Variants in CNTNAP2 observed in about 807,000 individuals in gnomAD.
CNTNAP2 encodes the protein contactin associated protein 2.
A neutral mutation model predicts 155.2 loss-of-function variants in CNTNAP2; 98 were observed. That is an observed-to-expected ratio of 0.63 (90% CI 0.54 to 0.75). CNTNAP2 has a LOEUF of 0.75. Among genes scored for constraint, CNTNAP2 ranks in the 30% least tolerant of loss-of-function variants. The probability of loss-of-function intolerance (pLI) is 0.00; values close to 1 mark genes in which losing one functional copy is unlikely to be tolerated. For synonymous variants in CNTNAP2, 651 were observed against 631.2 expected (o/e 1.03, Z -0.47); for missense variants, 1,727 against 1,688.1 (o/e 1.02, Z -0.40).
intron 1 of CNTNAP2, among the ~76,000 whole-genome samples, chr7:146,266,618 G>T (rs1439324906): frequency 9.2e-5 from 14 of 152,072 alleles, no homozygotes; most frequent in Admixed American, 9.2e-4. Flanking sequence ...AAAAAGAAAA[G>T]GATTTTAAAT....
chr7:147,131,780 C>T (rs1358407696), intron 7 of CNTNAP2, among the ~76,000 whole-genome samples: 3 of 152,020 alleles, frequency 2.0e-5, no homozygotes, highest in African/African-American at 7.2e-5. Context: ...AAATTGCAAA[C>T]ATATGACCAT....
At chr7:147,275,299 A>G (rs1804870511) in intron 8 of CNTNAP2, among the ~76,000 whole-genome samples, 1 of 151,678 alleles carries the variant, frequency 6.6e-6, no homozygotes, top group Admixed American at 6.6e-5. Flanking sequence ...TGAGCATGGG[A>G]TGTTTTTTTC....
chr7:146,760,674 C>T (rs964225472), intron 1 of CNTNAP2, among the ~76,000 whole-genome samples: 1 of 151,986 alleles, frequency 6.6e-6, no homozygotes, highest in Non-Finnish European at 1.5e-5. Context: ...ATCTGCCTGA[C>T]TTGTCCTCCC....
chr7:148,150,819 C>T (rs1011709150), intron 17 of CNTNAP2, among the ~76,000 whole-genome samples: 1 of 152,094 alleles, frequency 6.6e-6, no homozygotes, highest in Non-Finnish European at 1.5e-5. Context: ...TCGTGGCTTA[C>T]TGCAGCCTCA....
chr7:147,581,528 C>T (rs561792789), intron 12 of CNTNAP2, among the ~76,000 whole-genome samples: 4 of 152,234 alleles, frequency 2.6e-5, no homozygotes, highest in Admixed American at 2.6e-4. Context: ...TGTTGTTTTT[C>T]CTCCTGGAAA....
intron 9 of CNTNAP2, among the ~76,000 whole-genome samples, chr7:147,354,405 T>A (rs1796025781): frequency 6.6e-6 from 1 of 152,172 alleles, no homozygotes; most frequent in Admixed American, 6.5e-5. Context: ...CCTTTCCCCA[T>A]TGCTTGTTTT....
At chr7:148,210,424 T>G (rs1304141872) in intron 18 of CNTNAP2, among the ~76,000 whole-genome samples, 1 of 152,222 alleles carries the variant, frequency 6.6e-6, no homozygotes, top group Non-Finnish European at 1.5e-5. Context: ...CTATAATAGA[T>G]GCAAACTATC....
chr7:146,132,656 A>T (rs10248012), intron 1 of CNTNAP2, among the ~76,000 whole-genome samples: 43,683 of 147,970 alleles, frequency 0.3, 7,292 homozygotes, highest in African/African-American at 0.47. Flanking sequence ...ATGAGTGAGA[A>T]TATGCGGTGT....
At chr7:147,232,577 T>C (rs146186738) in intron 8 of CNTNAP2, among the ~76,000 whole-genome samples, 1 of 152,170 alleles carries the variant, frequency 6.6e-6, no homozygotes, top group East Asian at 1.9e-4. Context: ...AAATACACAA[T>C]GGGGAAAGGA....
intron 13 of CNTNAP2, among the ~76,000 whole-genome samples, chr7:147,796,404 A>G (rs73742363): frequency 0.016 from 2,377 of 152,166 alleles, 78 homozygotes; most frequent in African/African-American, 0.054. Flanking sequence ...AATCCCAAAG[A>G]CATTTCTATT....
chr7:148,050,749 A>G (rs1802873596), intron 15 of CNTNAP2, among the ~76,000 whole-genome samples: 1 of 152,170 alleles, frequency 6.6e-6, no homozygotes, highest in Non-Finnish European at 1.5e-5. Context: ...AGTGCCCTAT[A>G]CAGGTGTGCC....
chr7:148,097,340 T>TAAAAA (rs754030091), intron 15 of CNTNAP2, among the ~76,000 whole-genome samples: 22 of 78,466 alleles, frequency 2.8e-4, no homozygotes, highest in East Asian at 2.6e-3. Context: ...GTGTCATTTG[T>TAAAAA]AAAAAAAAAA....
In CNTNAP2 at chr7:147,355,172, C is replaced by T. The variant is rs567239084; in HGVS notation, c.1499-40437C>T. The stretch of plus-strand genomic sequence containing the variant: ...AAGTGGAACCCGTATACTTGAGGGA[C>T]GTGGTAAGACCAATGACTACTGGGT... On this transcript the variant is annotated intron_variant, in intron 9 of 23. Coordinates refer to ENST00000361727, the MANE Select transcript of CNTNAP2 (RefSeq NM_014141.6). Among the ~76,000 whole-genome samples the T allele has an allele frequency of 5.8e-4, 88 of 151,740 alleles. No homozygotes were observed. In the Middle Eastern group the frequency reaches 0.01, roughly 18 times the overall value.
At chr7:146,880,514 T>A (rs1795523870) in intron 3 of CNTNAP2, among the ~76,000 whole-genome samples, 1 of 152,064 alleles carries the variant, frequency 6.6e-6, no homozygotes, top group African/African-American at 2.4e-5. Flanking sequence ...TAAAATTAAG[T>A]AAATAAAGAT....
At chr7:148,352,277 GA>G (rs1798440831) in intron 21 of CNTNAP2, among the ~76,000 whole-genome samples, 1 of 152,216 alleles carries the variant, frequency 6.6e-6, no homozygotes, top group Non-Finnish European at 1.5e-5. Context: ...AGTGGAAATG[GA>G]AGATCATTTA....
intron 3 of CNTNAP2, among the ~76,000 whole-genome samples, chr7:146,874,818 C>A (rs1298235242): frequency 6.6e-6 from 1 of 152,156 alleles, no homozygotes; most frequent in African/African-American, 2.4e-5. Flanking sequence ...ACCTGAAAGT[C>A]ATTTCTGCAA....
At chr7:146,594,920 C>A (rs1387016328) in intron 1 of CNTNAP2, among the ~76,000 whole-genome samples, 1 of 151,962 alleles carries the variant, frequency 6.6e-6, no homozygotes, top group East Asian at 1.9e-4. Flanking sequence ...CAACGCTGAC[C>A]CTGGAGTTAG....
intron 2 of CNTNAP2, among the ~76,000 whole-genome samples, chr7:146,787,923 C>T (rs1434797387): frequency 1.3e-5 from 2 of 152,206 alleles, no homozygotes; most frequent in Admixed American, 1.3e-4. Context: ...CGTTCACAGT[C>T]CTTTAGCTAG....
intron 21 of CNTNAP2, among the ~76,000 whole-genome samples, chr7:148,289,191 G>T (rs1336114662): frequency 1.3e-5 from 2 of 152,150 alleles, no homozygotes; most frequent in African/African-American, 4.8e-5. Flanking sequence ...ATAGCTCCAG[G>T]GTTGTGCTTA....
Sources: gnomAD v4.1 joint callset for allele counts (sites outside exome capture counted in the v4.1 genomes callset) on GRCh38, gnomAD v4.1.1 for gene constraint, MANE v1.5 for transcripts, NCBI Gene and HGNC (gene_info 2026-07-23, HGNC 2026-07-21) for gene names.